Variants in TMEM26 observed in about 807,000 individuals in gnomAD.
TMEM26 encodes the protein transmembrane protein 26.
A neutral mutation model predicts 28.8 loss-of-function variants in TMEM26; 38 were observed. That is an observed-to-expected ratio of 1.32 (90% CI 1.02 to 1.73). The LOEUF is 1.73. TMEM26 is among the 40% of genes most tolerant of loss of function. TMEM26 has a pLI of 0.00. For synonymous variants in TMEM26, 227 were observed against 182.9 expected (o/e 1.24, Z -1.95); for missense variants, 518 against 447.1 (o/e 1.16, Z -1.43).
At chr10:61,446,560 C>T (rs1278543933) in intron 1 of TMEM26, among the ~76,000 whole-genome samples, 2 of 152,032 alleles carry the variant, frequency 1.3e-5, no homozygotes, top group Non-Finnish European at 2.9e-5. Flanking sequence ...ATGGCTCACG[C>T]CTGTAATCCC....
At chr10:61,451,742 T>C (rs756681906) in intron 1 of TMEM26, among the ~76,000 whole-genome samples, 1 of 152,186 alleles carries the variant, frequency 6.6e-6, no homozygotes, top group Non-Finnish European at 1.5e-5. Flanking sequence ...TCAGCATTGA[T>C]AATTCTAGAA....
At chr10:61,444,154 C>G (rs1030376062) in intron 1 of TMEM26, among the ~76,000 whole-genome samples, 1 of 152,166 alleles carries the variant, frequency 6.6e-6, no homozygotes, top group African/African-American at 2.4e-5. Context: ...AGGCTTTCCA[C>G]ACTCTTGGAC....
intron 1 of TMEM26, among the ~76,000 whole-genome samples, chr10:61,439,904 AT>A (rs1182629570): frequency 1.3e-5 from 2 of 152,188 alleles, no homozygotes; most frequent in African/African-American, 4.8e-5. Context: ...TCTTTATATA[AT>A]TTATAATGAC....
intron 4 of TMEM26, chr10:61,416,196 C>T (rs908507363): frequency 2.4e-6 from 1 of 417,202 alleles, no homozygotes; most frequent in Non-Finnish European, 4.7e-6. Flanking sequence ...TTCACAAGAT[C>T]TTTTGAAGTT....
At chr10:61,420,036 T>C (rs1458454369) in intron 4 of TMEM26, among the ~76,000 whole-genome samples, 1 of 152,142 alleles carries the variant, frequency 6.6e-6, no homozygotes, top group African/African-American at 2.4e-5. Context: ...TGAAAATCTG[T>C]GTATAATTTT....
intron 1 of TMEM26, among the ~76,000 whole-genome samples, chr10:61,444,515 T>A (rs1406966141): frequency 6.6e-6 from 1 of 152,144 alleles, no homozygotes; most frequent in East Asian, 1.9e-4. Flanking sequence ...GTTTTGGTTT[T>A]ACAAGAATGT....
chr10:61,413,205 T>A (rs1839596296), intron 5 of TMEM26, among the ~76,000 whole-genome samples: 1 of 152,106 alleles, frequency 6.6e-6, no homozygotes, highest in South Asian at 2.1e-4. Context: ...AAATCATAAC[T>A]GACGGAACTG....
At chr10:61,428,512 TA>T (rs1436887550) in intron 4 of TMEM26, among the ~76,000 whole-genome samples, 1 of 152,112 alleles carries the variant, frequency 6.6e-6, no homozygotes, top group East Asian at 1.9e-4. Flanking sequence ...AGTGCTCTCT[TA>T]AACTGTAGCT....
intron 4 of TMEM26, among the ~76,000 whole-genome samples, chr10:61,423,707 C>T (rs566933563): frequency 3.3e-5 from 5 of 152,060 alleles, no homozygotes; most frequent in South Asian, 2.1e-4. Flanking sequence ...TGCCTAGACC[C>T]GGGCTAAAGG....
intron 4 of TMEM26, 70 bp from the exon 5 acceptor site, chr10:61,413,605 A>C: frequency 1.3e-6 from 2 of 1,490,870 alleles, no homozygotes; most frequent in South Asian, 2.8e-5. Flanking sequence ...CTTCTCAGTC[A>C]AGTTTTTTAG....
At chr10:61,445,425 C>A (rs1017962023) in intron 1 of TMEM26, among the ~76,000 whole-genome samples, 1 of 152,104 alleles carries the variant, frequency 6.6e-6, no homozygotes, top group African/African-American at 2.4e-5. Context: ...TAAGGATGAC[C>A]GATTTTTATT....
At chr10:61,446,505 C>A (rs893238263) in intron 1 of TMEM26, among the ~76,000 whole-genome samples, 42 of 151,994 alleles carry the variant, frequency 2.8e-4, no homozygotes, top group Non-Finnish European at 5.4e-4. Context: ...ATTAAGTGTG[C>A]AATAGTATTA....
chr10:61,450,742 C>T (rs895575133), intron 1 of TMEM26, among the ~76,000 whole-genome samples: 10 of 152,024 alleles, frequency 6.6e-5, no homozygotes, highest in African/African-American at 2.2e-4. Flanking sequence ...TATAATGGGT[C>T]TGTTCTTCCA....
intron 4 of TMEM26, among the ~76,000 whole-genome samples, chr10:61,422,783 T>G (rs890701625): frequency 1.6e-4 from 24 of 151,354 alleles, no homozygotes; most frequent in African/African-American, 5.6e-4. Flanking sequence ...GAAGAGAAAA[T>G]TAAATCCAAA....
intron 1 of TMEM26, among the ~76,000 whole-genome samples, chr10:61,442,560 A>C (rs1408284153): frequency 1.3e-5 from 2 of 152,156 alleles, no homozygotes; most frequent in Non-Finnish European, 2.9e-5. Context: ...TCATTTCTCA[A>C]TATTTTCTCC....
intron 2 of TMEM26, among the ~76,000 whole-genome samples, chr10:61,435,754 G>A (rs906586336): frequency 1.3e-5 from 2 of 152,056 alleles, no homozygotes; most frequent in Admixed American, 6.6e-5. Context: ...TTTTGTTTTT[G>A]AAATTCCTAA....
intron 4 of TMEM26, among the ~76,000 whole-genome samples, chr10:61,418,391 A>G (rs1839689053): frequency 6.6e-6 from 1 of 151,996 alleles, no homozygotes; most frequent in South Asian, 2.1e-4. Context: ...GGTCCTTGAG[A>G]AAGATATTGT....
At chr10:61,437,302 G>A (rs1322589538) in intron 1 of TMEM26, among the ~76,000 whole-genome samples, 4 of 152,126 alleles carry the variant, frequency 2.6e-5, no homozygotes, top group Non-Finnish European at 5.9e-5. Context: ...GAACCTGGAA[G>A]GGGAGACAAT....
chr10:61,441,510 C>G (rs546321798), intron 1 of TMEM26, among the ~76,000 whole-genome samples: 1 of 152,022 alleles, frequency 6.6e-6, no homozygotes, highest in South Asian at 2.1e-4. Context: ...ATTAATAAAC[C>G]AGGTTTTATT....
Sources: allele counts gnomAD v4.1 joint callset (sites outside exome capture counted in the v4.1 genomes callset), GRCh38; gene constraint gnomAD v4.1.1; transcripts MANE v1.5; gene names NCBI Gene and HGNC (gene_info 2026-07-23, HGNC 2026-07-21).